Variants in OPTC observed in about 807,000 individuals in gnomAD.
OPTC encodes opticin, also known as oculoglycan.
OPTC carries 22 observed loss-of-function variants against 25.4 expected under a neutral mutation model. The observed-to-expected ratio is 0.87, with a 90% CI of 0.62 to 1.24. The LOEUF (loss-of-function observed/expected upper bound fraction) is 1.24. Among genes scored for constraint, OPTC ranks in the 50% most tolerant of loss-of-function variants. The probability of loss-of-function intolerance (pLI) is 0.00; values close to 1 mark genes in which losing one functional copy is unlikely to be tolerated. For synonymous variants in OPTC, 169 were observed against 179.3 expected, an observed-to-expected ratio of 0.94 and a Z score of 0.46; for missense variants, 417 against 425.2, an observed-to-expected ratio of 0.98 and a Z score of 0.17.
At chr1:203,495,873 G>A (rs1661269044) in intron 1 of OPTC, 92 bp from the exon 2 acceptor site, 3 of 700,788 alleles carry the variant, frequency 4.3e-6, no homozygotes, top group Non-Finnish European at 5.2e-6. Context: ...AAGTGTGGGG[G>A]TGGGAAGTGG....
intron 2 of OPTC, among the ~76,000 whole-genome samples, chr1:203,496,576 C>A (rs1345857533): frequency 6.6e-6 from 1 of 152,230 alleles, no homozygotes; most frequent in Admixed American, 6.5e-5. Flanking sequence ...GTCTGAAGTT[C>A]TTTCCCAGGT....
intron 5 of OPTC, among the ~76,000 whole-genome samples, chr1:203,501,159 G>A (rs1661386070): frequency 6.6e-6 from 1 of 152,172 alleles, no homozygotes; most frequent in Non-Finnish European, 1.5e-5. Context: ...AATGCAGTGT[G>A]GCATGATCTC....
rs780224594 is a variant in OPTC at position 203,499,843 on chromosome 1, G to A, written c.724G>A (p.Ala242Thr). 81 of 1,611,454 alleles carry A rather than the reference G, an allele frequency of 5.0e-5. No individual in the cohort carries two copies. The highest frequency in any genetic ancestry group is 6.9e-5 in the Non-Finnish European group (81 of 1,179,724). ...RLQSSGIQPA[A>T]FRAMEKLQFL... is the part of the protein sequence containing the mutation. ...CCAGAGCTCGGGGATACAGCCTGCA[G>A]CCTTCAGGGTGAGTCAAGGCCTTAG... The change falls in exon 5 of 8, where the codon GCC becomes ACC. Residue 242 changes from alanine to threonine, a missense_variant. Ala to Thr is a moderately conservative substitution (Grantham distance 58). Coordinates refer to ENST00000367222, the MANE Select transcript of OPTC (RefSeq NM_014359.4).
intron 7 of OPTC, among the ~76,000 whole-genome samples, chr1:203,508,322 C>T (rs576649276): frequency 6.6e-6 from 1 of 152,284 alleles, no homozygotes; most frequent in East Asian, 1.9e-4. Flanking sequence ...GCCTATGGAG[C>T]TTGAGTCCAG....
chr1:203,500,531 A>G (rs955632997), intron 5 of OPTC, among the ~76,000 whole-genome samples: 15 of 151,286 alleles, frequency 9.9e-5, no homozygotes, highest in Middle Eastern at 3.4e-3. Context: ...CTCCATCACC[A>G]CCACCCACTG....
At chr1:203,496,463 C>T (rs1661281840) in intron 2 of OPTC, among the ~76,000 whole-genome samples, 1 of 152,218 alleles carries the variant, frequency 6.6e-6, no homozygotes, top group Non-Finnish European at 1.5e-5. Context: ...CTCCCCCTGC[C>T]AAAGCTATGT....
rs1571596900 is a variant in OPTC, at chr1:203,498,629, G to C, written c.371-52G>C. ...GACACTCCCTGGGGCGAGGGCCATT[G>C]GCCCCAGAGGCTAAAGAGATCTCCC... On this transcript the variant is annotated intron_variant, in intron 3 of 7. Coordinates refer to ENST00000367222, the MANE Select transcript of OPTC (RefSeq NM_014359.4). 8 of 1,608,844 alleles carry C rather than the reference G, an allele frequency of 5.0e-6. No homozygotes were observed. The East Asian group carries it at 1.8e-4, about 36-fold the overall frequency.
intron 7 of OPTC, among the ~76,000 whole-genome samples, chr1:203,506,563 G>C (rs916085471): frequency 1.3e-5 from 2 of 152,028 alleles, no homozygotes; most frequent in African/African-American, 4.8e-5. Flanking sequence ...GTTACTCTTT[G>C]CTGAATACAG....
chr1:203,499,874 C>T, intron 5 of OPTC, 23 bp downstream of exon 5: 1 of 1,594,238 alleles, frequency 6.3e-7, no homozygotes. Flanking sequence ...CTTAGATCCA[C>T]TATCTATCAC....
Position 203,503,776 on chromosome 1 carries a change from G to A in OPTC, c.*25+31G>A, listed in dbSNP as rs1661432294. The A allele has an allele frequency of 5.2e-6, 8 of 1,528,998 alleles. No homozygotes were observed. The South Asian group carries it at 8.1e-5, about 16-fold the overall frequency. 94.7% of individuals were successfully genotyped at this position (1,528,998 alleles called of 1,614,324 possible). A position where few individuals can be genotyped will look rare whatever the true frequency, so the allele number is the denominator to read the frequency against. ...AACCCTCCAAGGACCATGCAGGCAT[G>A]GGCCTCCAGCCATAAAGCCCAATTC... is the stretch of plus-strand genomic sequence containing the variant. On this transcript the variant is annotated intron_variant, in intron 7 of 7. Coordinates refer to ENST00000367222, the MANE Select transcript of OPTC (RefSeq NM_014359.4).
Position 203,498,677 on chromosome 1 carries a change from C to A in OPTC, c.371-4C>A. On this transcript the variant is annotated splice_region_variant and splice_polypyrimidine_tract_variant and intron_variant, in intron 3 of 7. Coordinates refer to ENST00000367222, the MANE Select transcript of OPTC (RefSeq NM_014359.4). ...CCCTTTGTTCTGTCTTCCACCTGGG[C>A]CAGGTCTGCCCACCTGCCTGGTCTG... is the stretch of plus-strand genomic sequence containing the variant. 1 of 1,614,162 alleles carries A rather than the reference C, an allele frequency of 6.2e-7. No individual in the cohort carries two copies. Among genetic ancestry groups the A allele is most frequent in the Non-Finnish European group, 8.5e-7 (1 of 1,180,018 alleles).
intron 5 of OPTC, among the ~76,000 whole-genome samples, chr1:203,501,477 A>G (rs1303931414): frequency 6.6e-6 from 1 of 152,222 alleles, no homozygotes; most frequent in Non-Finnish European, 1.5e-5. Flanking sequence ...AAATATGCCC[A>G]CTGGGGCAGC....
chr1:203,507,944 CT>C (rs1661523538), intron 7 of OPTC, among the ~76,000 whole-genome samples: 1 of 152,212 alleles, frequency 6.6e-6, no homozygotes, highest in African/African-American at 2.4e-5. Context: ...ATAGTAATCT[CT>C]TACATTTCTG....
At chr1:203,504,517 A>C (rs575700335) in intron 7 of OPTC, among the ~76,000 whole-genome samples, 5 of 152,314 alleles carry the variant, frequency 3.3e-5, no homozygotes, top group African/African-American at 9.6e-5. Context: ...TGACTGTAAA[A>C]TGTTTGCCTG....
At chr1:203,499,588 C>A in intron 4 of OPTC, 61 bp from the exon 5 acceptor site, 1 of 1,445,314 alleles carries the variant, frequency 6.9e-7, no homozygotes, top group Non-Finnish European at 9.7e-7. Context: ...CAGCTCCAAC[C>A]TGGACAAGGA....
chr1:203,503,456 G>C, intron 6 of OPTC, 94 bp from the exon 7 acceptor site: 1 of 1,274,686 alleles, frequency 7.8e-7, no homozygotes, highest in South Asian at 1.2e-5. Context: ...CACCAGAGCA[G>C]GCAGAGCTGG....
chr1:203,505,951 AGT>A (rs34373102), intron 7 of OPTC, among the ~76,000 whole-genome samples: 22 of 150,020 alleles, frequency 1.5e-4, no homozygotes, highest in Admixed American at 5.3e-4. Flanking sequence ...TCTCTCTCAG[AGT>A]GTGTGTGTGT....
At position 203,496,066 on chromosome 1, in the gene OPTC, T is replaced by C. The variant is rs1431185589; in HGVS notation, c.61T>C (p.Ser21Pro). Residue 21 changes from serine to proline, a missense_variant, in exon 2 of 8, where the codon TCT becomes CCT. Ser to Pro is a moderately conservative substitution (Grantham distance 74, BLOSUM62 -1). Coordinates refer to ENST00000367222, the MANE Select transcript of OPTC (RefSeq NM_014359.4). ...ALVLQETGTA[S>P]LPRKERKRRE... Reference sequence around the variant, plus strand: ...GGTGCTGCAGGAGACAGGGACAGCTTCTCTCCCAAGGAAGGAGAGGAAGAG... The same window carrying C: ...GGTGCTGCAGGAGACAGGGACAGCTCCTCTCCCAAGGAAGGAGAGGAAGAG... The C allele has an allele frequency of 1.2e-6, 2 of 1,614,044 alleles. No individual in the cohort carries two copies. The highest frequency in any genetic ancestry group is 2.2e-5 in the South Asian group (2 of 91,056).
chr1:203,496,003 C>T lies in OPTC; in HGVS notation c.-3C>T. ...AGGGATTCTCAGTCCCATCTGACTC[C>T]CCATGAGGCTCCTGGCTTTCCTGAG... On this transcript the variant is annotated 5_prime_UTR_variant, in exon 2 of 8. Transcript: ENST00000367222. The T allele has an allele frequency of 6.2e-7, 1 of 1,607,926 alleles. No homozygotes were observed. Among genetic ancestry groups the T allele is most frequent in the Non-Finnish European group, 8.5e-7 (1 of 1,176,412 alleles).
Sources: gnomAD v4.1 joint callset for allele counts (sites outside exome capture counted in the v4.1 genomes callset) on GRCh38, gnomAD v4.1.1 for gene constraint, MANE v1.5 for transcripts, NCBI Gene and HGNC (gene_info 2026-07-23, HGNC 2026-07-21) for gene names.